The following TP73 variants were observed in gnomAD, a reference collection of about 807,000 sequenced individuals.
TP73 encodes tumor protein p73.
A neutral mutation model predicts 62.5 loss-of-function variants in TP73; 25 were observed. The observed-to-expected ratio is 0.40, with a 90% CI of 0.29 to 0.56. TP73 has a LOEUF of 0.56. Ranked by LOEUF, TP73 falls within the 20% of genes least tolerant of loss-of-function variation. The pLI, the probability that TP73 is intolerant of heterozygous loss-of-function variation, is 0.46. For missense variants in TP73, 754 were observed against 913.3 expected (o/e 0.83, Z 2.25); for synonymous variants, 423 against 377.5 (o/e 1.12, Z -1.40).
At chr1:3,697,063 C>G (rs1176159800) in intron 3 of TP73, among the ~76,000 whole-genome samples, 17 of 152,214 alleles carry the variant, frequency 1.1e-4, no homozygotes, top group Non-Finnish European at 2.4e-4. Flanking sequence ...TCCACTCTCG[C>G]CTTTGCTCAG....
Position 3,683,125 on chromosome 1 carries a change from G to A in TP73, c.131G>A (p.Gly44Glu), listed in dbSNP as rs1645563460. The change falls in exon 3 of 14, where the codon GGA becomes GAA. Residue 44 changes from glycine to glutamate, a missense_variant. By Grantham distance (98) the Gly-to-Glu change is moderately conservative. Transcript: ENST00000378295. ...SSRGNNEVVG[G>E]TDSSMDVFHL... ...CGGGGGAATAATGAGGTGGTGGGCG[G>A]AACGGATTCCAGCATGGACGTCTTC... 1 of 1,612,642 alleles carries A rather than the reference G, an allele frequency of 6.2e-7. No individual in the cohort carries two copies. Among genetic ancestry groups the A allele is most frequent in the Admixed American group, 1.7e-5 (1 of 59,962 alleles).
At chr1:3,729,074 G>T (rs1334386348) in intron 9 of TP73, among the ~76,000 whole-genome samples, 2 of 152,224 alleles carry the variant, frequency 1.3e-5, no homozygotes, top group Non-Finnish European at 2.9e-5. Flanking sequence ...GGAGGAAGAG[G>T]GAGGCTTGGG....
chr1:3,669,182 G>T (rs1048088032), intron 1 of TP73, among the ~76,000 whole-genome samples: 5 of 152,256 alleles, frequency 3.3e-5, no homozygotes, highest in African/African-American at 1.2e-4. Flanking sequence ...GCTTGGGCTT[G>T]GCTCGCCCTC....
chr1:3,731,004 A>G lies in TP73; in HGVS notation c.1423A>G (p.Met475Val), dbSNP rs753771804. 4.3e-6 allele frequency: 7 copies of G among 1,612,172 alleles called. No individual in the cohort carries two copies. The highest frequency in any genetic ancestry group is 5.9e-6 in the Non-Finnish European group (7 of 1,179,734). Residue 475 changes from methionine (M) to valine (V), a missense_variant, in exon 12 of 14, where the codon ATG (methionine) becomes GTG (valine). By Grantham distance (21) the Met-to-Val change is conservative. Around this residue, in one of 3 missense-constraint regions of TP73, gnomAD observed 458 missense variants for 528.7 expected, o/e 0.87. Transcript: ENST00000378295. ...EMSSSHSAQSMVSGSHCTPPP... is the reference protein window; with the variant it reads ...EMSSSHSAQSVVSGSHCTPPP... ...GAGCAGCAGCCACAGCGCCCAGTCC[A>G]TGGTCTCGGGGTCCCACTGCACTCC...
Position 3,722,827 on chromosome 1 carries a change from G to A in TP73, c.617-527G>A, listed in dbSNP as rs1641187071. On this transcript the variant is annotated intron_variant, in intron 5 of 13. Transcript: ENST00000378295. The stretch of plus-strand genomic sequence containing the variant: ...ACACAGAGGTGGGCACCTGGCATGG[G>A]GCCGGGCACCTCTCTGCACCTGGCA... Among the ~76,000 whole-genome samples the A allele has an allele frequency of 4.8e-5, 7 of 146,770 alleles. No individual in the cohort carries two copies. The South Asian group carries it at 1.3e-3, about 27-fold the overall frequency.
chr1:3,677,124 C>T (rs1027036922), intron 1 of TP73, among the ~76,000 whole-genome samples: 1 of 152,124 alleles, frequency 6.6e-6, no homozygotes, highest in Non-Finnish European at 1.5e-5. Context: ...ACAGTCCCCT[C>T]CCCAGCCCAC....
chr1:3,729,216 C>A, intron 9 of TP73, 111 bp from the exon 10 acceptor site: 1 of 1,477,336 alleles, frequency 6.8e-7, no homozygotes, highest in Non-Finnish European at 9.2e-7. Context: ...GCTGGGGAAC[C>A]CCCAGAAAGG....
rs1418080210 is a variant in TP73, at chr1:3,727,703, G to T, written c.918G>T (p.Glu306Asp). 6.3e-7 allele frequency: 1 copy of T among 1,583,716 alleles called. No individual in the cohort carries two copies. The highest frequency in any genetic ancestry group is 2.3e-5 in the East Asian group (1 of 43,824). The change falls in exon 8 of 14, where the codon GAG (glutamate) becomes GAT (aspartate). Residue 306 changes from glutamate to aspartate, a missense_variant. Physicochemically the swap from Glu to Asp is conservative, Grantham distance 45 (BLOSUM62 2). Coordinates refer to ENST00000378295, the MANE Select transcript of TP73 (RefSeq NM_005427.4). ...CTGGCCGCGACCGAAAAGCTGATGA[G>T]GACCACTACCGGGAGCAGCAGGCCC... ...ACPGRDRKAD[E>D]DHYREQQALN... is the part of the protein sequence containing the mutation.
intron 13 of TP73, among the ~76,000 whole-genome samples, chr1:3,732,224 T>C (rs1359999960): frequency 6.6e-6 from 1 of 152,170 alleles, no homozygotes; most frequent in African/African-American, 2.4e-5. Context: ...CAGACAGAGA[T>C]GAGGGTCAGT....
At position 3,729,427 on chromosome 1, in the gene TP73, A is replaced by G. The variant is rs761635975; in HGVS notation, c.1175A>G (p.Gln392Arg). The stretch of plus-strand genomic sequence containing the variant: ...CCACTGGTGGACTCCTATCGGCAGC[A>G]GCAGCAGCTCCTACAGAGGCCGTGA... ...PQPLVDSYRQQQQLLQRPSHL... is the reference protein window; with the variant it reads ...PQPLVDSYRQRQQLLQRPSHL... The change falls in exon 10 of 14, where the codon CAG (glutamine) becomes CGG (arginine). Residue 392 changes from glutamine to arginine, a missense_variant. Physicochemically the swap from Gln to Arg is conservative, Grantham distance 43. This residue lies in a region of TP73 where 458 missense variants were observed against 528.7 expected (regional missense o/e 0.87). Transcript: ENST00000378295. The G allele has an allele frequency of 6.2e-7, 1 of 1,612,880 alleles. No homozygotes were observed. Among genetic ancestry groups the G allele is most frequent in the East Asian group, 2.2e-5 (1 of 44,886 alleles).
chr1:3,652,687 G>C (rs1014335417), intron 1 of TP73, 46 bp downstream of exon 1: 1 of 152,356 alleles, frequency 6.6e-6, no homozygotes, highest in Non-Finnish European at 1.5e-5. Flanking sequence ...GCGGGCGGGG[G>C]CTGGAGCGCA....
chr1:3,679,005 G>A (rs542419090), intron 1 of TP73, among the ~76,000 whole-genome samples: 11 of 152,328 alleles, frequency 7.2e-5, no homozygotes, highest in East Asian at 3.9e-4. Flanking sequence ...AGGGCCGGAC[G>A]GGTGGGATCG....
At chr1:3,694,848 G>A (rs74657392) in intron 3 of TP73, among the ~76,000 whole-genome samples, 11 of 24,460 alleles carry the variant, frequency 4.5e-4, no homozygotes, top group Non-Finnish European at 1.3e-3. Context: ...CCCTCCTCCT[G>A]CAATCCCAGC....
intron 4 of TP73, among the ~76,000 whole-genome samples, chr1:3,710,203 G>T: frequency 6.8e-6 from 1 of 146,210 alleles, no homozygotes; most frequent in Non-Finnish European, 1.5e-5. Context: ...CTGGGGCGGG[G>T]GGAGGGTGGG....
intron 6 of TP73, among the ~76,000 whole-genome samples, chr1:3,725,642 T>G (rs1641458427): frequency 2.6e-5 from 3 of 113,636 alleles, no homozygotes; most frequent in Non-Finnish European, 3.5e-5. Context: ...GGTAGAGGGA[T>G]GGGTAGATGG....
chr1:3,691,755 G>A (rs575850144), intron 3 of TP73, among the ~76,000 whole-genome samples: 6 of 152,340 alleles, frequency 3.9e-5, no homozygotes, highest in East Asian at 1.9e-4. Flanking sequence ...TGGGACCATG[G>A]GTACCTGTGC....
rs935158993 is a variant in TP73, at chr1:3,670,096, CG to C, written c.-33-12231del. On this transcript the variant is annotated intron_variant, in intron 1 of 13. Transcript: ENST00000378295. This position sits in a 1 kb window ranked among gnomAD's most constrained non-coding sequence, Gnocchi z 5.9. ...TGGCCTCCTGGATGGGCATGTGGCT[CG>C]GGGGGCGAGACCATGGGCTCTTCCT... Among the ~76,000 whole-genome samples, 1 of 151,976 alleles carries C rather than the reference CG, an allele frequency of 6.6e-6. No individual in the cohort carries two copies. Among genetic ancestry groups the C allele is most frequent in the Non-Finnish European group, 1.5e-5 (1 of 67,996 alleles).
chr1:3,732,279 G>C (rs1398107575), intron 13 of TP73, among the ~76,000 whole-genome samples: 1 of 152,222 alleles, frequency 6.6e-6, no homozygotes, highest in African/African-American at 2.4e-5. Context: ...CTCGTGCAGA[G>C]AGTGGCCGCG....
intron 3 of TP73, among the ~76,000 whole-genome samples, chr1:3,693,027 C>T (rs976907179): frequency 2.6e-5 from 4 of 152,154 alleles, no homozygotes; most frequent in Non-Finnish European, 5.9e-5. Context: ...TCATTCATCC[C>T]ATCAGCAAGT....
Sources: gnomAD v4.1 joint callset for allele counts (sites outside exome capture counted in the v4.1 genomes callset) on GRCh38, gnomAD v4.1.1 for gene constraint, gnomAD v4.1.1 regional missense constraint, Gnocchi (gnomAD v3.1) non-coding constraint, MANE v1.5 for transcripts, NCBI Gene and HGNC (gene_info 2026-07-23, HGNC 2026-07-21) for gene names.